Variants in RSPO2 observed in about 807,000 individuals in gnomAD.
RSPO2 encodes the protein R-spondin-2.
A neutral mutation model predicts 30.9 loss-of-function variants in RSPO2; 14 were observed. The ratio of observed to expected loss-of-function variants is 0.45; its 90% CI spans 0.30 to 0.71. RSPO2 has a LOEUF of 0.71. RSPO2 is among the 30% of genes least tolerant of loss of function. The pLI is 0.08. For missense variants in RSPO2, 264 were observed against 301.9 expected (o/e 0.87, Z 0.93); for synonymous variants, 107 against 96.4 (o/e 1.11, Z -0.64).
At chr8:107,958,054 A>C (rs766828290) in intron 5 of RSPO2, 26 bp downstream of exon 5, 71 of 1,557,558 alleles carry the variant, frequency 4.6e-5, no homozygotes, top group Non-Finnish European at 6.3e-5. Flanking sequence ...CACACAGCAC[A>C]CAGTAGTGAT....
intron 2 of RSPO2, among the ~76,000 whole-genome samples, chr8:108,021,556 G>A (rs150167952): frequency 6.6e-6 from 1 of 152,224 alleles, no homozygotes; most frequent in East Asian, 1.9e-4. Context: ...GGGAACATGG[G>A]GATTGAAGGG....
chr8:107,900,935 T>G lies in RSPO2; in HGVS notation c.*140A>C, dbSNP rs185505253. The G allele has an allele frequency of 2.8e-3, 2,341 of 838,548 alleles. No homozygotes were observed. Among genetic ancestry groups the G allele is most frequent in the Non-Finnish European group, 3.6e-3 (1,948 of 537,156 alleles). 51.9% of individuals were successfully genotyped at this position (838,548 alleles called of 1,614,324 possible). On this transcript the variant is annotated 3_prime_UTR_variant, in exon 6 of 6. Coordinates refer to ENST00000276659, the MANE Select transcript of RSPO2 (RefSeq NM_178565.5). ...AATAACACAGGGGCCATGCTGGTGG[T>G]GCTTCCTTTCACCATGTTACTGGGA...
chr8:107,940,943 G>A (rs1478263521), intron 5 of RSPO2, among the ~76,000 whole-genome samples: 1 of 151,872 alleles, frequency 6.6e-6, no homozygotes, highest in Admixed American at 6.6e-5. Context: ...TGGAATCAGC[G>A]GTTTGAGTTC....
intron 5 of RSPO2, among the ~76,000 whole-genome samples, chr8:107,937,899 T>A (rs1812771554): frequency 6.6e-6 from 1 of 152,100 alleles, no homozygotes; most frequent in African/African-American, 2.4e-5. Flanking sequence ...AGACCAGTTA[T>A]GAAAATACAC....
chr8:107,948,178 C>A (rs1178724110), intron 5 of RSPO2, among the ~76,000 whole-genome samples: 1 of 152,098 alleles, frequency 6.6e-6, no homozygotes, highest in Non-Finnish European at 1.5e-5. Context: ...TTTCTTATTC[C>A]GTAACCTGGC....
intron 2 of RSPO2, among the ~76,000 whole-genome samples, chr8:107,992,914 AT>A (rs148709722): frequency 0.035 from 5,278 of 152,158 alleles, 346 homozygotes; most frequent in African/African-American, 0.12. Flanking sequence ...AAATATCTTA[AT>A]TTTTTTTAAA....
At chr8:107,930,249 G>A (rs986571880) in intron 5 of RSPO2, among the ~76,000 whole-genome samples, 3 of 152,142 alleles carry the variant, frequency 2.0e-5, no homozygotes, top group Non-Finnish European at 4.4e-5. Context: ...GTTCACAGAG[G>A]TACTAAGTAA....
At position 107,973,504 on chromosome 8, in the gene RSPO2, A is replaced by T. The variant is rs552815436; in HGVS notation, c.284-12687T>A. 6.0e-4 allele frequency among the ~76,000 whole-genome samples: 55 copies of T among 91,476 alleles called. No individual in the cohort carries two copies. In the South Asian group the frequency reaches 0.026, roughly 43 times the overall value. 60.0% of individuals were successfully genotyped at this position (91,476 alleles called of 152,430 possible). A position where few individuals can be genotyped will look rare whatever the true frequency, so the allele number is the denominator to read the frequency against. On this transcript the variant is annotated intron_variant, in intron 3 of 5. Coordinates refer to ENST00000276659, the MANE Select transcript of RSPO2 (RefSeq NM_178565.5). Reference sequence around the variant, plus strand: ...AAGTAAAGCTTGGGAACTGAGTGATACACACACAGACACACACAGACACAC... The same window carrying T: ...AAGTAAAGCTTGGGAACTGAGTGATTCACACACAGACACACACAGACACAC...
intron 2 of RSPO2, among the ~76,000 whole-genome samples, chr8:108,033,138 C>G (rs1811481168): frequency 6.7e-6 from 1 of 150,180 alleles, no homozygotes; most frequent in Admixed American, 6.6e-5. Flanking sequence ...TGGCCTCAAG[C>G]AATTCACCCA....
chr8:108,062,165 A>G (rs1429838265), intron 2 of RSPO2, among the ~76,000 whole-genome samples: 2 of 152,014 alleles, frequency 1.3e-5, no homozygotes, highest in East Asian at 3.9e-4. Flanking sequence ...AGCTAGCAGA[A>G]GGCAAGAAAT....
intron 2 of RSPO2, among the ~76,000 whole-genome samples, chr8:108,021,375 T>C (rs1420781477): frequency 1.3e-5 from 2 of 152,214 alleles, no homozygotes; most frequent in South Asian, 2.1e-4. Context: ...ATCAGTGACC[T>C]AAGTAGAATG....
chr8:108,042,440 C>A (rs16877095), intron 2 of RSPO2, among the ~76,000 whole-genome samples: 1 of 151,990 alleles, frequency 6.6e-6, no homozygotes, highest in Non-Finnish European at 1.5e-5. Flanking sequence ...AGATATGAGA[C>A]GAGCAGTCTT....
intron 5 of RSPO2, among the ~76,000 whole-genome samples, chr8:107,937,264 G>A (rs920081957): frequency 6.6e-6 from 1 of 151,490 alleles, no homozygotes; most frequent in Non-Finnish European, 1.5e-5. Context: ...TCTCCCCAGT[G>A]TATGTTGTTA....
chr8:107,927,640 A>T (rs1366773468), intron 5 of RSPO2, among the ~76,000 whole-genome samples: 1 of 152,194 alleles, frequency 6.6e-6, no homozygotes, highest in Non-Finnish European at 1.5e-5. Context: ...CCTTTTCTGC[A>T]TCTATTGAGA....
intron 5 of RSPO2, among the ~76,000 whole-genome samples, chr8:107,931,849 G>A (rs1812562315): frequency 6.6e-6 from 1 of 152,164 alleles, no homozygotes; most frequent in Non-Finnish European, 1.5e-5. Context: ...ATTTAATGGA[G>A]AGGGGATTAA....
chr8:108,020,991 T>C (rs2130611229), intron 2 of RSPO2, among the ~76,000 whole-genome samples: 1 of 152,324 alleles, frequency 6.6e-6, no homozygotes, highest in Non-Finnish European at 1.5e-5. Context: ...AAGAAACATA[T>C]TGCTAAAATA....
chr8:107,973,532 TCACA>T (rs4035018), intron 3 of RSPO2, among the ~76,000 whole-genome samples: 45,215 of 149,334 alleles, frequency 0.3, 6,892 homozygotes, highest in African/African-American at 0.37. Flanking sequence ...AGACACACAC[TCACA>T]CACACACACA....
chr8:108,063,798 C>T (rs1309335537), intron 2 of RSPO2, among the ~76,000 whole-genome samples: 2 of 152,098 alleles, frequency 1.3e-5, no homozygotes, highest in Admixed American at 6.6e-5. Flanking sequence ...GCTACAGTAA[C>T]CAAAACAGCA....
chr8:107,961,839 C>T (rs1436780657), intron 3 of RSPO2, among the ~76,000 whole-genome samples: 2 of 152,176 alleles, frequency 1.3e-5, no homozygotes, highest in East Asian at 3.9e-4. Context: ...ACATACATTA[C>T]AATAAGGTAT....
Sources: allele counts gnomAD v4.1 joint callset (sites outside exome capture counted in the v4.1 genomes callset), GRCh38; gene constraint gnomAD v4.1.1; transcripts MANE v1.5; gene names NCBI Gene and HGNC (gene_info 2026-07-23, HGNC 2026-07-21).